Variants in BICRA observed in about 807,000 individuals in gnomAD.
The protein encoded by BICRA is BRD4-interacting chromatin-remodeling complex-associated protein.
A neutral mutation model predicts 96.9 loss-of-function variants in BICRA; 31 were observed. The observed-to-expected ratio is 0.32, with a 90% confidence interval of 0.24 to 0.43. BICRA has a LOEUF of 0.43. Among genes scored for constraint, BICRA ranks in the 20% least tolerant of loss-of-function variants. The pLI is 1.00. For synonymous variants in BICRA, 1,350 were observed against 1,071.8 expected (o/e 1.26, Z -5.07); for missense variants, 2,283 against 2,190.3 (o/e 1.04, Z -0.84).
intron 7 of BICRA, among the ~76,000 whole-genome samples, chr19:47,686,868 C>T (rs556898783): frequency 2.0e-5 from 3 of 152,306 alleles, no homozygotes; most frequent in Admixed American, 6.5e-5. Flanking sequence ...CTGTGACCTT[C>T]AGCAGGCTGC....
At chr19:47,656,328 A>G (rs554088029) in intron 1 of BICRA, among the ~76,000 whole-genome samples, 1 of 152,282 alleles carries the variant, frequency 6.6e-6, no homozygotes, top group South Asian at 2.1e-4. Flanking sequence ...GCATTCAGGC[A>G]CAAGTTAGGG....
rs760029296 is a variant in BICRA at position 47,680,132 on chromosome 19, C to T, written c.962C>T (p.Ser321Leu). 135 of 1,525,914 alleles carry T rather than the reference C, an allele frequency of 8.8e-5. No homozygotes were observed. Among genetic ancestry groups the T allele is most frequent in the Non-Finnish European group, 1.1e-4 (130 of 1,147,034 alleles). 94.5% of individuals were successfully genotyped at this position (1,525,914 alleles called of 1,614,324 possible). A position where few individuals can be genotyped will look rare whatever the true frequency, so the allele number is the denominator to read the frequency against. The change falls in exon 6 of 15, where the codon TCG (serine) becomes TTG (leucine). Residue 321 changes from serine to leucine, a missense_variant. Coordinates refer to ENST00000594866, the MANE Select transcript of BICRA (RefSeq NM_001394372.1). ...GAASAPTGTP[S>L]GQPLAVAPGL... The stretch of plus-strand genomic sequence containing the variant: ...GCCTCGGCTCCCACCGGGACGCCCT[C>T]GGGACAGCCGCTGGCGGTGGCCCCA...
At chr19:47,629,066 A>G (rs1012394611) in intron 1 of BICRA, among the ~76,000 whole-genome samples, 2 of 152,096 alleles carry the variant, frequency 1.3e-5, no homozygotes, top group African/African-American at 4.8e-5. Context: ...CAGTGGCACA[A>G]TCTCGGCTCA....
chr19:47,676,049 C>T (rs1324291945), intron 5 of BICRA, 133 bp downstream of exon 5: 2 of 616,722 alleles, frequency 3.2e-6, no homozygotes, highest in African/African-American at 1.9e-5. Context: ...GGGTGGGCCA[C>T]CCAGGGTGGC....
intron 1 of BICRA, among the ~76,000 whole-genome samples, chr19:47,638,950 C>T (rs1972342370): frequency 6.6e-6 from 1 of 152,060 alleles, no homozygotes; most frequent in Non-Finnish European, 1.5e-5. Flanking sequence ...CCACCATGCC[C>T]TGCCAACAGC....
chr19:47,640,435 C>T (rs1029752643), intron 1 of BICRA, among the ~76,000 whole-genome samples: 1 of 151,138 alleles, frequency 6.6e-6, no homozygotes, highest in Non-Finnish European at 1.5e-5. Flanking sequence ...GAGGCTGAGG[C>T]AGGAGAATCA....
chr19:47,684,566 C>T (rs553483622), intron 7 of BICRA, among the ~76,000 whole-genome samples: 1 of 152,178 alleles, frequency 6.6e-6, no homozygotes, highest in African/African-American at 2.4e-5. Context: ...GTGATCCACC[C>T]ACCTCAGCCT....
chr19:47,684,749 G>C (rs1973119353), intron 7 of BICRA, among the ~76,000 whole-genome samples: 1 of 152,164 alleles, frequency 6.6e-6, no homozygotes, highest in Non-Finnish European at 1.5e-5. Flanking sequence ...CAAATGGTAG[G>C]GCCTGGATTA....
At chr19:47,695,119 C>T in intron 9 of BICRA, 39 bp downstream of exon 9, 1 of 1,331,662 alleles carries the variant, frequency 7.5e-7, no homozygotes, top group South Asian at 1.4e-5. Context: ...GGAGACGGGG[C>T]CTGAAGATGG....
chr19:47,625,933 T>C (rs1235661706), intron 1 of BICRA, among the ~76,000 whole-genome samples: 1 of 152,062 alleles, frequency 6.6e-6, no homozygotes, highest in Non-Finnish European at 1.5e-5. Flanking sequence ...AGGCGCCTTT[T>C]GTTTCTTGGC....
intron 1 of BICRA, among the ~76,000 whole-genome samples, chr19:47,616,897 T>C (rs62128739): frequency 0.86 from 130,122 of 151,086 alleles, 56,135 homozygotes; most frequent in Admixed American, 0.89. Context: ...GGTGTGATCT[T>C]GGCTCACTGC....
At chr19:47,696,602 C>A in intron 11 of BICRA, 90 bp downstream of exon 11, 2 of 1,276,586 alleles carry the variant, frequency 1.6e-6, no homozygotes, top group Non-Finnish European at 1.1e-6. Context: ...CAGAGTTGGG[C>A]AGGCCCAAGT....
intron 1 of BICRA, among the ~76,000 whole-genome samples, chr19:47,626,570 G>GGTTT (rs1491262976): frequency 2.5e-5 from 3 of 118,646 alleles, no homozygotes; most frequent in African/African-American, 9.0e-5. Context: ...CTAATTTTTT[G>GGTTT]GTTTTTTTTT....
intron 1 of BICRA, among the ~76,000 whole-genome samples, chr19:47,616,638 CAAA>C (rs755153037): frequency 1.6e-5 from 2 of 124,678 alleles, no homozygotes; most frequent in Admixed American, 8.3e-5. Context: ...GACTCTGTCT[CAAA>C]AAAAAAAAAA....
chr19:47,648,558 G>C (rs1366659327), intron 1 of BICRA, among the ~76,000 whole-genome samples: 2 of 151,820 alleles, frequency 1.3e-5, no homozygotes, highest in Non-Finnish European at 2.9e-5. Context: ...GACTACAGAC[G>C]GCCCTGGTGA....
In BICRA at chr19:47,679,743, C is replaced by G; in HGVS notation, c.573C>G (p.Ala191=). 2 of 1,535,048 alleles carry G rather than the reference C, an allele frequency of 1.3e-6. No individual in the cohort carries two copies. The highest frequency in any genetic ancestry group is 1.8e-6 in the Non-Finnish European group (2 of 1,141,700). ...CGCCCCAGGACGTGGTCAACAAGGC[C>G]CTGAGTGTGCAGCCCTTCCTGCAGC... ...LVPPQDVVNK[A]LSVQPFLQPV... Residue 191 remains alanine, a synonymous_variant, in exon 6 of 15, where the codon GCC becomes GCG. Transcript: ENST00000594866.
rs778778763 is a variant in BICRA, at chr19:47,695,417, G to C, written c.3129G>C (p.Pro1043=). ...AENKAFASNL[P]TLNVAKAASS... ...ACAAGGCTTTTGCCAGCAACCTCCC[G>C]ACCCTGAATGTGGCCAAGGCCGCTT... is the stretch of plus-strand genomic sequence containing the variant. The change falls in exon 10 of 15, where the codon CCG becomes CCC. Residue 1043 remains proline, a synonymous_variant. Transcript: ENST00000594866. 4 of 1,438,212 alleles carry C rather than the reference G, an allele frequency of 2.8e-6. No homozygotes were observed. Among genetic ancestry groups the C allele is most frequent in the African/African-American group, 3.3e-5 (2 of 61,400 alleles). 89.1% of individuals were successfully genotyped at this position (1,438,212 alleles called of 1,614,324 possible).
chr19:47,689,298 C>T (rs1431979709), intron 7 of BICRA, among the ~76,000 whole-genome samples: 1 of 151,372 alleles, frequency 6.6e-6, no homozygotes, highest in African/African-American at 2.4e-5. Context: ...GAGACAGGGT[C>T]TTGCTCTGTT....
In BICRA at chr19:47,695,093, T is replaced by A; in HGVS notation, c.3076+13T>A. The A allele has an allele frequency of 6.8e-7, 1 of 1,481,076 alleles. No individual in the cohort carries two copies. Among genetic ancestry groups the A allele is most frequent in the Middle Eastern group, 2.4e-4 (1 of 4,218 alleles). The allele number at this position is 1,481,076 out of a possible 1,614,324, so 91.7% of individuals were successfully genotyped here. A position where few individuals can be genotyped will look rare whatever the true frequency, so the allele number is the denominator to read the frequency against. Reference sequence around the variant, plus strand: ...ATGGCCGCCACAGGTAGGAGAGAGGTCGCCTATGTGCCCAGGGAGACGGGG... The same window carrying A: ...ATGGCCGCCACAGGTAGGAGAGAGGACGCCTATGTGCCCAGGGAGACGGGG... On this transcript the variant is annotated intron_variant, in intron 9 of 14. Coordinates refer to ENST00000594866, the MANE Select transcript of BICRA (RefSeq NM_001394372.1).
Sources: gnomAD v4.1 joint callset for allele counts (sites outside exome capture counted in the v4.1 genomes callset) on GRCh38, gnomAD v4.1.1 for gene constraint, MANE v1.5 for transcripts, NCBI Gene and HGNC (gene_info 2026-07-23, HGNC 2026-07-21) for gene names.